Variants in MBOAT1 observed in about 807,000 individuals in gnomAD.
The protein encoded by MBOAT1 is membrane bound glycerophospholipid O-acyltransferase 1, also known as membrane-bound glycerophospholipid O-acyltransferase 1.
A neutral mutation model predicts 64.4 loss-of-function variants in MBOAT1; 67 were observed. That is an observed-to-expected ratio of 1.04 (90% CI 0.85 to 1.27). MBOAT1 has a LOEUF of 1.27. Ranked by LOEUF, MBOAT1 falls within the 50% of genes most tolerant of loss-of-function variation. The pLI, the probability that MBOAT1 is intolerant of heterozygous loss-of-function variation, is 0.00. For synonymous variants in MBOAT1, 229 were observed against 218.9 expected (o/e 1.05, Z -0.41); for missense variants, 563 against 604.6 (o/e 0.93, Z 0.72).
At chr6:20,167,136 C>T (rs566136763) in intron 1 of MBOAT1, among the ~76,000 whole-genome samples, 39 of 151,938 alleles carry the variant, frequency 2.6e-4, no homozygotes, top group South Asian at 4.1e-4. Context: ...ATTAGTTGCC[C>T]GAAACTCCAA....
In MBOAT1 at chr6:20,144,439, C is replaced by T. The variant is rs982357124; in HGVS notation, c.324-124G>A. ...GGTCACAATGTCCTATCTGGTCTGA[C>T]GACATCCCAGGCCACCTTTCCACCC... is the stretch of plus-strand genomic sequence containing the variant. On this transcript the variant is annotated intron_variant, in intron 3 of 12. Transcript: ENST00000324607. 5.3e-5 allele frequency: 35 copies of T among 656,718 alleles called. 1 individual carries two copies. Among genetic ancestry groups the T allele is most frequent in the Non-Finnish European group, 7.1e-5 (27 of 377,900 alleles). The allele number at this position is 656,718 out of a possible 1,614,324, so 40.7% of individuals were successfully genotyped here.
At chr6:20,143,039 G>A (rs967495792) in intron 4 of MBOAT1, among the ~76,000 whole-genome samples, 6 of 152,094 alleles carry the variant, frequency 3.9e-5, no homozygotes, top group African/African-American at 7.2e-5. Context: ...AGCCATGAGC[G>A]GTCACTCCCT....
chr6:20,168,572 A>C lies in MBOAT1; in HGVS notation c.100-15803T>G, dbSNP rs116836881. Among the ~76,000 whole-genome samples the C allele has an allele frequency of 2.8e-3, 294 of 106,748 alleles. 3 individuals are homozygous for C. Among genetic ancestry groups the C allele is most frequent in the African/African-American group, 9.7e-3 (277 of 28,460 alleles). 70.0% of individuals were successfully genotyped at this position (106,748 alleles called of 152,430 possible). A position where few individuals can be genotyped will look rare whatever the true frequency, so the allele number is the denominator to read the frequency against. ...GGGAAACAGAGAAAGAGAAAGAGAG[A>C]GAGAGAAAGAGAGAGAGGGAGAGAA... On this transcript the variant is annotated intron_variant, in intron 1 of 12. Transcript: ENST00000324607.
chr6:20,174,652 C>T (rs998152723), intron 1 of MBOAT1, among the ~76,000 whole-genome samples: 11 of 152,160 alleles, frequency 7.2e-5, no homozygotes, highest in African/African-American at 1.9e-4. Flanking sequence ...ACTACAAACA[C>T]GTGAGCAATG....
chr6:20,145,175 G>C lies in MBOAT1; in HGVS notation c.324-860C>G, dbSNP rs150958448. On this transcript the variant is annotated intron_variant, in intron 3 of 12. Transcript: ENST00000324607. ...CCTTTGGGAGGTGACTAGGTTATGAGAGCAGAGCCTTCATAAATGGGATTA... is the reference window on the plus strand; with the variant it reads ...CCTTTGGGAGGTGACTAGGTTATGACAGCAGAGCCTTCATAAATGGGATTA... Among the ~76,000 whole-genome samples the C allele has an allele frequency of 2.9e-3, 442 of 152,234 alleles. 2 individuals carry two copies. Among genetic ancestry groups the C allele is most frequent in the African/African-American group, 0.01 (426 of 41,510 alleles).
At chr6:20,200,426 C>T (rs1763087884) in intron 1 of MBOAT1, among the ~76,000 whole-genome samples, 1 of 152,088 alleles carries the variant, frequency 6.6e-6, no homozygotes, top group African/African-American at 2.4e-5. Context: ...ATTCCAGAGC[C>T]AAATTGGTCT....
At chr6:20,123,915 GGGT>G (rs1224137053) in intron 8 of MBOAT1, among the ~76,000 whole-genome samples, 1 of 152,116 alleles carries the variant, frequency 6.6e-6, no homozygotes, top group Non-Finnish European at 1.5e-5. Context: ...AAAATTAGCT[GGGT>G]GTGGTGGCGG....
At chr6:20,137,126 G>T (rs988979978) in intron 4 of MBOAT1, among the ~76,000 whole-genome samples, 1 of 151,986 alleles carries the variant, frequency 6.6e-6, no homozygotes, top group Admixed American at 6.6e-5. Flanking sequence ...CCTATCATAG[G>T]ATATGAACTT....
chr6:20,178,405 T>TA (rs533249568), intron 1 of MBOAT1, among the ~76,000 whole-genome samples: 3 of 152,072 alleles, frequency 2.0e-5, no homozygotes, highest in African/African-American at 4.8e-5. Context: ...AAGTTGATAA[T>TA]AAAAAAAGTT....
At chr6:20,106,738 T>C (rs1207152789) in intron 12 of MBOAT1, among the ~76,000 whole-genome samples, 3 of 152,160 alleles carry the variant, frequency 2.0e-5, no homozygotes, top group African/African-American at 7.2e-5. Flanking sequence ...GAAACTTCTA[T>C]TGGACAGAGC....
At chr6:20,118,641 G>T in intron 8 of MBOAT1, 101 bp from the exon 9 acceptor site, 1 of 892,208 alleles carries the variant, frequency 1.1e-6, no homozygotes, top group Non-Finnish European at 1.7e-6. Context: ...GGAGAAATAT[G>T]CAGTAGTGTC....
At chr6:20,188,945 C>T (rs1028081519) in intron 1 of MBOAT1, among the ~76,000 whole-genome samples, 2 of 152,164 alleles carry the variant, frequency 1.3e-5, no homozygotes, top group Admixed American at 6.5e-5. Flanking sequence ...CCAGTTTCTT[C>T]CTTTCCCACC....
intron 1 of MBOAT1, among the ~76,000 whole-genome samples, chr6:20,206,965 T>A (rs1304650312): frequency 6.6e-6 from 1 of 152,180 alleles, no homozygotes; most frequent in East Asian, 1.9e-4. Flanking sequence ...CTCTTCACTC[T>A]TACCACCACC....
Position 20,169,735 on chromosome 6 carries a change from G to A in MBOAT1, c.100-16966C>T, listed in dbSNP as rs58305427. ...TTTTTAAAAACTTAATAATAAACAC[G>A]TTTTCCTGTGGTGCCTATTAATTCT... On this transcript the variant is annotated intron_variant, in intron 1 of 12. Coordinates refer to ENST00000324607, the MANE Select transcript of MBOAT1 (RefSeq NM_001080480.3). Among the ~76,000 whole-genome samples the A allele has an allele frequency of 9.9e-3, 1,513 of 152,182 alleles. 30 individuals carry two copies. Among genetic ancestry groups the A allele is most frequent in the African/African-American group, 0.035 (1,450 of 41,524 alleles).
chr6:20,132,746 C>T (rs1021242379), intron 4 of MBOAT1, among the ~76,000 whole-genome samples: 2 of 152,232 alleles, frequency 1.3e-5, no homozygotes, highest in Admixed American at 6.5e-5. Flanking sequence ...GTTTGTGCTT[C>T]GAAGGACACA....
intron 1 of MBOAT1, among the ~76,000 whole-genome samples, chr6:20,190,815 T>C (rs1414986459): frequency 6.6e-6 from 1 of 152,120 alleles, no homozygotes; most frequent in Admixed American, 6.5e-5. Context: ...CAGGAAGTAG[T>C]TTCTGTCAAT....
intron 1 of MBOAT1, among the ~76,000 whole-genome samples, chr6:20,179,373 A>T (rs959253795): frequency 6.6e-6 from 1 of 152,104 alleles, no homozygotes; most frequent in African/African-American, 2.4e-5. Flanking sequence ...TGTTCTCATC[A>T]TTCAGCTCCC....
chr6:20,108,016 T>G (rs568582720), intron 12 of MBOAT1, among the ~76,000 whole-genome samples: 1 of 152,258 alleles, frequency 6.6e-6, no homozygotes, highest in East Asian at 1.9e-4. Flanking sequence ...CATGTGGGGC[T>G]GCCCTAGGTG....
intron 1 of MBOAT1, among the ~76,000 whole-genome samples, chr6:20,191,111 A>T (rs1762789301): frequency 6.6e-6 from 1 of 152,220 alleles, no homozygotes; most frequent in Non-Finnish European, 1.5e-5. Flanking sequence ...CCAATGCACC[A>T]GTGTATGAGG....
Sources: allele counts gnomAD v4.1 joint callset (sites outside exome capture counted in the v4.1 genomes callset), GRCh38; gene constraint gnomAD v4.1.1; transcripts MANE v1.5; gene names NCBI Gene and HGNC (gene_info 2026-07-23, HGNC 2026-07-21).